The following ST6GALNAC3 variants were observed in gnomAD, a reference collection of about 807,000 sequenced individuals.
ST6GALNAC3 encodes ST6 N-acetylgalactosaminide alpha-2,6-sialyltransferase 3.
ST6GALNAC3 carries 25 observed loss-of-function variants against 32.7 expected under a neutral mutation model. The observed-to-expected ratio is 0.76, with a 90% CI of 0.56 to 1.07. The LOEUF is 1.07. ST6GALNAC3 is among the 50% of genes least tolerant of loss of function. The pLI is 0.00. For synonymous variants in ST6GALNAC3, 129 were observed against 133.1 expected, an observed-to-expected ratio of 0.97 and a Z score of 0.21; for missense variants, 355 against 382.4, an observed-to-expected ratio of 0.93 and a Z score of 0.60.
chr1:76,534,235 G>A (rs1392056805), intron 3 of ST6GALNAC3, among the ~76,000 whole-genome samples: 1 of 151,894 alleles, frequency 6.6e-6, no homozygotes, highest in African/African-American at 2.4e-5. Context: ...TAGAGACAGG[G>A]TTTTACCATG....
Position 76,237,710 on chromosome 1 carries a change from C to G in ST6GALNAC3, c.19-76095C>G, listed in dbSNP as rs186490009. On this transcript the variant is annotated intron_variant, in intron 1 of 4. Transcript: ENST00000328299. ...AGTTATTTATAGGATGTTTAATACC[C>G]AGTCCCTCACCAGGATTCTAGATAG... 1.4e-3 allele frequency among the ~76,000 whole-genome samples: 215 copies of G among 152,194 alleles called. 6 individuals carry two copies. The highest frequency in any genetic ancestry group is 4.9e-3 in the African/African-American group (203 of 41,522).
intron 1 of ST6GALNAC3, among the ~76,000 whole-genome samples, chr1:76,269,639 C>T (rs1658724820): frequency 6.6e-6 from 1 of 152,176 alleles, no homozygotes; most frequent in Admixed American, 6.5e-5. Context: ...TGGTAGGTAT[C>T]CAGTTATAAT....
intron 1 of ST6GALNAC3, among the ~76,000 whole-genome samples, chr1:76,133,823 T>C (rs1649767095): frequency 6.6e-6 from 1 of 151,860 alleles, no homozygotes; most frequent in South Asian, 2.1e-4. Flanking sequence ...AGGTTTGGAG[T>C]CACCAAGAAG....
At chr1:76,138,365 A>G (rs1001881234) in intron 1 of ST6GALNAC3, among the ~76,000 whole-genome samples, 3 of 152,136 alleles carry the variant, frequency 2.0e-5, no homozygotes, top group South Asian at 2.1e-4. Flanking sequence ...TTCTTTGAGA[A>G]CATAGGGTGG....
chr1:76,299,463 T>G (rs1056132793), intron 1 of ST6GALNAC3, among the ~76,000 whole-genome samples: 1 of 151,988 alleles, frequency 6.6e-6, no homozygotes, highest in South Asian at 2.1e-4. Context: ...AAAAAGGGGA[T>G]GTACATGTGT....
At chr1:76,322,485 T>C (rs1646986023) in intron 2 of ST6GALNAC3, among the ~76,000 whole-genome samples, 1 of 152,178 alleles carries the variant, frequency 6.6e-6, no homozygotes, top group Non-Finnish European at 1.5e-5. Flanking sequence ...CAGCCTGTAA[T>C]GATGATGGCT....
chr1:76,268,932 C>A (rs1570637080), intron 1 of ST6GALNAC3, among the ~76,000 whole-genome samples: 1 of 152,234 alleles, frequency 6.6e-6, no homozygotes, highest in South Asian at 2.1e-4. Context: ...TCTGTCACCC[C>A]CAAGACTACA....
chr1:76,554,706 A>T (rs1664821637), intron 3 of ST6GALNAC3, among the ~76,000 whole-genome samples: 2 of 152,180 alleles, frequency 1.3e-5, no homozygotes, highest in South Asian at 4.1e-4. Flanking sequence ...CTATTAACTT[A>T]AACAGGCCAA....
At chr1:76,147,186 C>G (rs1650740700) in intron 1 of ST6GALNAC3, among the ~76,000 whole-genome samples, 1 of 151,956 alleles carries the variant, frequency 6.6e-6, no homozygotes, top group South Asian at 2.1e-4. Flanking sequence ...CCTCAGCCTC[C>G]CAAGTAGCTG....
At chr1:76,494,101 C>T (rs576015677) in intron 3 of ST6GALNAC3, among the ~76,000 whole-genome samples, 1 of 152,068 alleles carries the variant, frequency 6.6e-6, no homozygotes, top group East Asian at 2.0e-4. Flanking sequence ...TACCCAATCT[C>T]GGCAGCAGGA....
At chr1:76,350,150 A>G (rs1648851445) in intron 2 of ST6GALNAC3, among the ~76,000 whole-genome samples, 1 of 152,196 alleles carries the variant, frequency 6.6e-6, no homozygotes, top group African/African-American at 2.4e-5. Context: ...TTCAAGAGAA[A>G]ACCTAGCTCA....
intron 2 of ST6GALNAC3, among the ~76,000 whole-genome samples, chr1:76,391,899 A>G (rs1652593337): frequency 6.6e-6 from 1 of 152,234 alleles, no homozygotes; most frequent in African/African-American, 2.4e-5. Context: ...CTTGGAACAC[A>G]GAAAAGGTTA....
At chr1:76,261,082 T>C (rs1658207827) in intron 1 of ST6GALNAC3, among the ~76,000 whole-genome samples, 1 of 152,048 alleles carries the variant, frequency 6.6e-6, no homozygotes, top group Non-Finnish European at 1.5e-5. Context: ...TATTATATTC[T>C]TAAAATCTAA....
chr1:76,461,699 C>A lies in ST6GALNAC3; in HGVS notation c.623+49282C>A, dbSNP rs59722200. ...GAGGGAGGGGAAGCATAATGATATA[C>A]CTGATGTTGACAGTAAGTGTTGTAG... is the stretch of plus-strand genomic sequence containing the variant. On this transcript the variant is annotated intron_variant, in intron 3 of 4. Coordinates refer to ENST00000328299, the MANE Select transcript of ST6GALNAC3 (RefSeq NM_152996.4). 4.7e-3 allele frequency among the ~76,000 whole-genome samples: 713 copies of A among 152,238 alleles called. 2 individuals carry two copies. The highest frequency in any genetic ancestry group is 0.017 in the African/African-American group (686 of 41,522).
intron 2 of ST6GALNAC3, among the ~76,000 whole-genome samples, chr1:76,365,695 G>A (rs1026982399): frequency 2.6e-5 from 4 of 152,118 alleles, no homozygotes; most frequent in Admixed American, 2.0e-4. Flanking sequence ...GAGTGTGTAT[G>A]TAAAAATAAG....
chr1:76,554,735 C>G (rs1339469862), intron 3 of ST6GALNAC3, among the ~76,000 whole-genome samples: 1 of 152,150 alleles, frequency 6.6e-6, no homozygotes, highest in East Asian at 1.9e-4. Flanking sequence ...TGCTTCAATG[C>G]ACTGAAGCAC....
At chr1:76,349,326 C>A (rs1648787493) in intron 2 of ST6GALNAC3, among the ~76,000 whole-genome samples, 1 of 152,136 alleles carries the variant, frequency 6.6e-6, no homozygotes, top group Admixed American at 6.6e-5. Context: ...GTGGAGGAGA[C>A]CACTCTGGAG....
intron 3 of ST6GALNAC3, among the ~76,000 whole-genome samples, chr1:76,558,924 A>T (rs1209069727): frequency 6.6e-6 from 1 of 152,120 alleles, no homozygotes; most frequent in African/African-American, 2.4e-5. Context: ...ATACACAACT[A>T]TTTAATAATA....
intron 1 of ST6GALNAC3, among the ~76,000 whole-genome samples, chr1:76,293,052 T>C (rs938882354): frequency 6.6e-6 from 1 of 152,216 alleles, no homozygotes; most frequent in African/African-American, 2.4e-5. Flanking sequence ...AGCTGCCATG[T>C]CAATCATTTT....
Sources: allele counts gnomAD v4.1 joint callset (sites outside exome capture counted in the v4.1 genomes callset), GRCh38; gene constraint gnomAD v4.1.1; transcripts MANE v1.5; gene names NCBI Gene and HGNC (gene_info 2026-07-23, HGNC 2026-07-21).